The following STAT5B variants were observed in gnomAD, a reference collection of about 807,000 sequenced individuals.
The protein encoded by STAT5B is signal transducer and activator of transcription 5B, also known as transcription factor STAT5B.
A neutral mutation model predicts 107.8 loss-of-function variants in STAT5B; 21 were observed. That is an observed-to-expected ratio of 0.19 (90% confidence interval 0.14 to 0.28). The LOEUF (loss-of-function observed/expected upper bound fraction) is 0.28, where lower values mean the gene tolerates loss of function less well. Among genes scored for constraint, STAT5B ranks in the 10% least tolerant of loss-of-function variants. The pLI, the probability that STAT5B is intolerant of heterozygous loss-of-function variation, is 1.00. For synonymous variants in STAT5B, 325 were observed against 401.7 expected (o/e 0.81, Z 2.28); for missense variants, 565 against 1,008.2 (o/e 0.56, Z 5.95).
At chr17:42,228,654 G>A (rs568781952) in intron 2 of STAT5B, among the ~76,000 whole-genome samples, 8 of 152,326 alleles carry the variant, frequency 5.3e-5, no homozygotes, top group Admixed American at 1.3e-4. Context: ...GAGACCGGCC[G>A]GGCGTGGTGG....
Position 42,210,268 on chromosome 17 carries a change from G to A in STAT5B, c.1809C>T (p.Ala603=), listed in dbSNP as rs1263724214. The change falls in exon 15 of 19, where the codon GCC becomes GCT. Residue 603 remains alanine (A), a synonymous_variant. Coordinates refer to ENST00000293328, the MANE Select transcript of STAT5B (RefSeq NM_012448.4). ...AILGFVNKQQ[A]HDLLINKPDG... is the part of the protein sequence containing the mutation. ...CTGGCTTGTTAATGAGTAGGTCATGGGCCTGTTGCTTGTTTACAAACCCCA... is the reference window on the plus strand; with the variant it reads ...CTGGCTTGTTAATGAGTAGGTCATGAGCCTGTTGCTTGTTTACAAACCCCA... 1 of 1,614,104 alleles carries A rather than the reference G, an allele frequency of 6.2e-7. No individual in the cohort carries two copies. Among genetic ancestry groups the A allele is most frequent in the Non-Finnish European group, 8.5e-7 (1 of 1,180,020 alleles).
intron 1 of STAT5B, chr17:42,272,557 A>G (rs370177224): frequency 6.6e-6 from 1 of 152,338 alleles, no homozygotes; most frequent in East Asian, 1.9e-4. Context: ...AAAAGACAAG[A>G]ACATCTTGCC....
At chr17:42,248,753 C>T (rs773553818) in intron 1 of STAT5B, among the ~76,000 whole-genome samples, 4 of 152,228 alleles carry the variant, frequency 2.6e-5, no homozygotes, top group Non-Finnish European at 4.4e-5. Flanking sequence ...GGCACTGTTA[C>T]CGGAAGAAGC....
chr17:42,282,043 G>A, the STAT5B span, among the ~76,000 whole-genome samples: 2 of 152,162 alleles, frequency 1.3e-5, no homozygotes, highest in African/African-American at 2.4e-5. Context: ...GGCAGCAGGG[G>A]GAGAGTCTTC....
intron 1 of STAT5B, among the ~76,000 whole-genome samples, chr17:42,262,934 G>GTA (rs1177579162): frequency 0.091 from 3,312 of 36,564 alleles, 228 homozygotes; most frequent in African/African-American, 0.13. Context: ...ATATATATAT[G>GTA]TATATATATG....
intron 11 of STAT5B, 47 bp downstream of exon 11, chr17:42,217,111 CCA>C (rs142589260): frequency 1.2e-4 from 181 of 1,549,650 alleles, no homozygotes; most frequent in Admixed American, 3.5e-4. Flanking sequence ...ATAAAGTACA[CCA>C]CACACACACA....
intron 1 of STAT5B, among the ~76,000 whole-genome samples, chr17:42,255,141 C>T (rs1417922317): frequency 6.6e-6 from 1 of 152,168 alleles, no homozygotes; most frequent in Non-Finnish European, 1.5e-5. Context: ...CAATCAGAAC[C>T]TCCCCTGCAG....
intron 1 of STAT5B, among the ~76,000 whole-genome samples, chr17:42,265,395 G>GTTTTTTTTTTTTTTTTTTT (rs1567678433): frequency 5.7e-5 from 4 of 69,958 alleles, no homozygotes; most frequent in African/African-American, 3.8e-4. Context: ...TTTTTGAGAC[G>GTTTTTTTTTTTTTTTTTTT]AAGTCTCGCT....
chr17:42,285,900 C>A, the STAT5B span, among the ~76,000 whole-genome samples: 54 of 152,088 alleles, frequency 3.6e-4, no homozygotes, highest in South Asian at 0.011. Context: ...CCTAAGGAGA[C>A]AAGGGAGAGA....
At chr17:42,209,483 T>G (rs1263381671) in intron 15 of STAT5B, among the ~76,000 whole-genome samples, 3 of 152,198 alleles carry the variant, frequency 2.0e-5, no homozygotes, top group Non-Finnish European at 2.9e-5. Flanking sequence ...CCCAATACTT[T>G]GGGAAGCCAA....
At chr17:42,228,932 T>C (rs1408656292) in intron 2 of STAT5B, among the ~76,000 whole-genome samples, 1 of 152,182 alleles carries the variant, frequency 6.6e-6, no homozygotes. Context: ...AGATTCTCTC[T>C]ACGAAAACAT....
At chr17:42,271,479 A>G (rs1015550936) in intron 1 of STAT5B, 4 of 152,262 alleles carry the variant, frequency 2.6e-5, no homozygotes, top group Non-Finnish European at 4.4e-5. Context: ...ACCATGCTCT[A>G]TATCTTAGTA....
chr17:42,214,338 G>T (rs1357647353), intron 12 of STAT5B: 1 of 985,204 alleles, frequency 1.0e-6, no homozygotes, highest in East Asian at 1.1e-4. Context: ...TATCTAGGAG[G>T]CTTATCAGGA....
chr17:42,242,886 C>T (rs2080416277), intron 1 of STAT5B, among the ~76,000 whole-genome samples: 1 of 152,122 alleles, frequency 6.6e-6, no homozygotes, highest in South Asian at 2.1e-4. Flanking sequence ...GGATTAAGGG[C>T]GGTGCAAGAT....
intron 9 of STAT5B, 121 bp downstream of exon 9, chr17:42,218,030 C>T: frequency 1.3e-6 from 2 of 1,506,346 alleles, no homozygotes; most frequent in African/African-American, 1.4e-5. Flanking sequence ...TATTCCTTTG[C>T]TGATGCCCAG....
intron 12 of STAT5B, among the ~76,000 whole-genome samples, chr17:42,212,557 CAG>C (rs994250137): frequency 1.3e-5 from 2 of 152,202 alleles, no homozygotes; most frequent in East Asian, 1.9e-4. Flanking sequence ...TAGGTACAAA[CAG>C]AGAGAGTGTG....
intron 12 of STAT5B, chr17:42,214,634 T>C (rs1420164814): frequency 2.0e-6 from 2 of 978,806 alleles, no homozygotes; most frequent in African/African-American, 1.9e-5. Context: ...ATAATCAAGG[T>C]TTGTTGGATA....
At chr17:42,254,574 C>A (rs1320473994) in intron 1 of STAT5B, among the ~76,000 whole-genome samples, 1 of 151,874 alleles carries the variant, frequency 6.6e-6, no homozygotes, top group African/African-American at 2.4e-5. Context: ...CTCTTACTCT[C>A]TTTTTCTCTC....
chr17:42,262,719 T>C (rs981172892), intron 1 of STAT5B, among the ~76,000 whole-genome samples: 2 of 146,468 alleles, frequency 1.4e-5, no homozygotes, highest in African/African-American at 2.5e-5. Context: ...ATCTTCAATA[T>C]GAAATGAATA....
Sources: gnomAD v4.1 joint callset for allele counts (sites outside exome capture counted in the v4.1 genomes callset) on GRCh38, gnomAD v4.1.1 for gene constraint, MANE v1.5 for transcripts, NCBI Gene and HGNC (gene_info 2026-07-23, HGNC 2026-07-21) for gene names.